Variants in LRRIQ3 observed in about 807,000 individuals in gnomAD.
The protein encoded by LRRIQ3 is leucine rich repeats and IQ motif containing 3.
In LRRIQ3, 75 loss-of-function variants were observed where a neutral mutation model predicts 59.3. The observed-to-expected ratio is 1.26, with a 90% CI of 1.05 to 1.53. The LOEUF is 1.53. LRRIQ3 is among the 40% of genes most tolerant of loss of function. The probability of loss-of-function intolerance (pLI) is 0.00; values close to 1 mark genes in which losing one functional copy is unlikely to be tolerated. For synonymous variants in LRRIQ3, 250 were observed against 231.3 expected (o/e 1.08, Z -0.73); for missense variants, 831 against 710.0 (o/e 1.17, Z -1.94).
At chr1:74,186,736 GC>G (rs1183617313) in intron 1 of LRRIQ3, among the ~76,000 whole-genome samples, 3 of 152,014 alleles carry the variant, frequency 2.0e-5, no homozygotes, top group East Asian at 1.9e-4. Context: ...TTAATTCAAT[GC>G]CTTTTTTTTC....
intron 4 of LRRIQ3, among the ~76,000 whole-genome samples, chr1:74,142,148 T>C (rs1647286319): frequency 6.6e-6 from 1 of 151,926 alleles, no homozygotes; most frequent in Non-Finnish European, 1.5e-5. Flanking sequence ...TTTCATTTCC[T>C]TTGAATTCGA....
chr1:74,086,815 C>CA (rs1034696768), intron 5 of LRRIQ3, among the ~76,000 whole-genome samples: 6 of 151,892 alleles, frequency 4.0e-5, no homozygotes, highest in African/African-American at 1.2e-4. Context: ...GAACAGACAA[C>CA]AAAAAACAAT....
At chr1:74,187,343 G>A (rs12129020) in intron 1 of LRRIQ3, among the ~76,000 whole-genome samples, 1 of 133,042 alleles carries the variant, frequency 7.5e-6, no homozygotes, top group Non-Finnish European at 1.6e-5. Context: ...TATATATATA[G>A]GTATATGTTT....
intron 7 of LRRIQ3, 152 bp downstream of exon 7, chr1:74,041,061 T>G (rs918560416): frequency 3.1e-6 from 2 of 647,566 alleles, no homozygotes; most frequent in Non-Finnish European, 5.0e-6. Context: ...TTTGGTAATA[T>G]ATTAGTATAT....
chr1:74,051,504 T>G (rs2100416979), intron 6 of LRRIQ3, among the ~76,000 whole-genome samples: 1 of 152,316 alleles, frequency 6.6e-6, no homozygotes, highest in South Asian at 2.1e-4. Context: ...ATATTAGTGG[T>G]ATATTAAATC....
At chr1:74,085,811 ACCTATCTGTGAAAAAGAC>A (rs1212553785) in intron 5 of LRRIQ3, among the ~76,000 whole-genome samples, 2 of 152,038 alleles carry the variant, frequency 1.3e-5, no homozygotes, top group Non-Finnish European at 2.9e-5. Flanking sequence ...TTTATGTCAG[ACCTATCTGTGAAAAAGAC>A]TTTGCTCTCA....
At chr1:74,136,793 C>A (rs1332195491) in intron 4 of LRRIQ3, among the ~76,000 whole-genome samples, 3 of 151,922 alleles carry the variant, frequency 2.0e-5, no homozygotes, top group Non-Finnish European at 4.4e-5. Flanking sequence ...ACTCTCTTCA[C>A]TATCATTCAG....
At chr1:74,165,059 A>C (rs1648891215) in intron 3 of LRRIQ3, among the ~76,000 whole-genome samples, 1 of 151,526 alleles carries the variant, frequency 6.6e-6, no homozygotes, top group Non-Finnish European at 1.5e-5. Flanking sequence ...AGTCTTGATT[A>C]CGATAGCTAC....
At chr1:74,117,071 C>A (rs370313991) in intron 4 of LRRIQ3, among the ~76,000 whole-genome samples, 136 of 152,166 alleles carry the variant, frequency 8.9e-4, no homozygotes, top group African/African-American at 3.1e-3. Flanking sequence ...CAATAATCAT[C>A]ACAATCAGTA....
At chr1:74,052,148 T>C (rs920186974) in intron 6 of LRRIQ3, among the ~76,000 whole-genome samples, 127 of 152,278 alleles carry the variant, frequency 8.3e-4, no homozygotes, top group African/African-American at 3.0e-3. Context: ...CTACTTGATA[T>C]CTTAGGCCCA....
At chr1:74,134,332 C>G (rs968276832) in intron 4 of LRRIQ3, among the ~76,000 whole-genome samples, 1 of 152,010 alleles carries the variant, frequency 6.6e-6, no homozygotes, top group Non-Finnish European at 1.5e-5. Flanking sequence ...GCTGCTCCTG[C>G]TACCAATAGC....
At chr1:74,189,909 A>G (rs554461025) in intron 1 of LRRIQ3, among the ~76,000 whole-genome samples, 1 of 152,278 alleles carries the variant, frequency 6.6e-6, no homozygotes, top group African/African-American at 2.4e-5. Flanking sequence ...AGACTAATAC[A>G]GTAAGCACTA....
At chr1:74,184,885 T>C (rs1168434735) in intron 1 of LRRIQ3, among the ~76,000 whole-genome samples, 1 of 152,194 alleles carries the variant, frequency 6.6e-6, no homozygotes, top group Non-Finnish European at 1.5e-5. Flanking sequence ...TAGGATAATA[T>C]ACACATCATT....
chr1:74,124,024 A>C (rs1438191638), intron 4 of LRRIQ3, among the ~76,000 whole-genome samples: 1 of 151,862 alleles, frequency 6.6e-6, no homozygotes, highest in Non-Finnish European at 1.5e-5. Flanking sequence ...CTGTGCCAGC[A>C]TTTGTTTTTG....
chr1:74,046,601 A>T (rs1654210742), intron 6 of LRRIQ3, among the ~76,000 whole-genome samples: 1 of 152,198 alleles, frequency 6.6e-6, no homozygotes, highest in Non-Finnish European at 1.5e-5. Flanking sequence ...GACAAATGGG[A>T]TCTGATTAAA....
chr1:74,133,776 G>T (rs1647070739), intron 4 of LRRIQ3, among the ~76,000 whole-genome samples: 1 of 151,774 alleles, frequency 6.6e-6, no homozygotes, highest in African/African-American at 2.4e-5. Context: ...CGAGTTAATG[G>T]GTGCAGCACA....
intron 7 of LRRIQ3, among the ~76,000 whole-genome samples, chr1:74,030,267 G>C (rs1175445546): frequency 6.6e-6 from 1 of 151,958 alleles, no homozygotes; most frequent in East Asian, 1.9e-4. Context: ...CTACTTTAAA[G>C]TTCATATGGA....
Position 74,109,369 on chromosome 1 carries a change from A to C in LRRIQ3, c.867+25T>G, listed in dbSNP as rs758013949. ...TAATATCTTAAATACATTTCAAATA[A>C]AAATAATAAACTAATTATACTTACA... On this transcript the variant is annotated intron_variant, in intron 5 of 7. Transcript: ENST00000354431. 5 of 1,391,674 alleles carry C rather than the reference A, an allele frequency of 3.6e-6. No homozygotes were observed. The African/African-American group carries it at 7.3e-5, about 20-fold the overall frequency. The allele number at this position is 1,391,674 out of a possible 1,614,324, so 86.2% of individuals were successfully genotyped here. A position where few individuals can be genotyped will look rare whatever the true frequency, so the allele number is the denominator to read the frequency against.
rs555936243 is a variant in LRRIQ3 at position 74,037,412 on chromosome 1, C to T, written c.1718+3801G>A. 2.6e-5 allele frequency among the ~76,000 whole-genome samples: 4 copies of T among 151,982 alleles called. No homozygotes were observed. In the South Asian group the frequency reaches 6.2e-4, roughly 24 times the overall value. On this transcript the variant is annotated intron_variant, in intron 7 of 7. Coordinates refer to ENST00000354431, the MANE Select transcript of LRRIQ3 (RefSeq NM_001105659.2). ...CAGCAATTTGGGAGGCTGAGGGGGA[C>T]GGATCACCTGAGGTCAGGAGCTGGA...
Sources: allele counts gnomAD v4.1 joint callset (sites outside exome capture counted in the v4.1 genomes callset), GRCh38; gene constraint gnomAD v4.1.1; transcripts MANE v1.5; gene names NCBI Gene and HGNC (gene_info 2026-07-23, HGNC 2026-07-21).